Variants in SMARCAD1 observed in about 807,000 individuals in gnomAD.
SMARCAD1 encodes SWI/SNF-related matrix-associated actin-dependent regulator of chromatin subfamily A containing DEAD/H box 1.
SMARCAD1 carries 25 observed loss-of-function variants against 127.1 expected under a neutral mutation model. The ratio of observed to expected loss-of-function variants is 0.20; its 90% CI spans 0.14 to 0.27. The LOEUF (loss-of-function observed/expected upper bound fraction) is 0.27, where lower values mean the gene tolerates loss of function less well. Among genes scored for constraint, SMARCAD1 ranks in the 10% least tolerant of loss-of-function variants. The pLI is 1.00. For missense variants in SMARCAD1, 807 were observed against 1,206.0 expected (o/e 0.67, Z 4.90); for synonymous variants, 400 against 396.9 (o/e 1.01, Z -0.09).
At chr4:94,209,430 C>T (rs1196704682) in intron 2 of SMARCAD1, among the ~76,000 whole-genome samples, 1 of 152,090 alleles carries the variant, frequency 6.6e-6, no homozygotes, top group Non-Finnish European at 1.5e-5. Flanking sequence ...TAGTTAGTTT[C>T]TTAGGAAAGG....
At chr4:94,228,675 C>T (rs1387888576) in intron 3 of SMARCAD1, among the ~76,000 whole-genome samples, 3 of 151,062 alleles carry the variant, frequency 2.0e-5, no homozygotes, top group Non-Finnish European at 2.9e-5. Context: ...TGCTCAGTAA[C>T]GTAGTTGTTT....
intron 9 of SMARCAD1, among the ~76,000 whole-genome samples, chr4:94,257,829 G>C (rs994163245): frequency 6.6e-6 from 1 of 151,894 alleles, no homozygotes; most frequent in Non-Finnish European, 1.5e-5. Context: ...TCATTTGTAG[G>C]TCTTATCTAT....
In SMARCAD1 at chr4:94,285,008, C is replaced by G; in HGVS notation, c.2958C>G (p.Ser986=). Residue 986 remains serine, a synonymous_variant, in exon 23 of 24, where the codon TCC becomes TCG. Transcript: ENST00000354268. ...TAAGCCAAGGGACGATTGAAGAATC[C>G]ATGCTAAAAATTAACCAACAGAAAT... is the stretch of plus-strand genomic sequence containing the variant. ...KLISQGTIEE[S]MLKINQQKLK... is the part of the protein sequence containing the mutation. 6.2e-7 allele frequency: 1 copy of G among 1,613,086 alleles called. No homozygotes were observed. Among genetic ancestry groups the G allele is most frequent in the Non-Finnish European group, 8.5e-7 (1 of 1,179,426 alleles).
Position 94,234,012 on chromosome 4 carries a change from G to A in SMARCAD1, c.427G>A (p.Asp143Asn), listed in dbSNP as rs754100136. Reference protein sequence around the residue: ...QGLPTMARRNDDISELEDLSE... With the variant: ...QGLPTMARRNNDISELEDLSE... Reference sequence around the variant, plus strand: ...CCTTCCTACCATGGCACGTAGAAATGATGATATTTCAGAACTGGAAGACCT... The same window carrying A: ...CCTTCCTACCATGGCACGTAGAAATAATGATATTTCAGAACTGGAAGACCT... The change falls in exon 4 of 24, where the codon GAT becomes AAT. Residue 143 changes from aspartate to asparagine, a missense_variant. Around this residue, in one of 8 missense-constraint regions of SMARCAD1, gnomAD observed 175 missense variants for 169.5 expected, o/e 1.03. Transcript: ENST00000354268. 6.2e-7 allele frequency: 1 copy of A among 1,613,788 alleles called. No individual in the cohort carries two copies. The highest frequency in any genetic ancestry group is 1.1e-5 in the South Asian group (1 of 91,068).
At chr4:94,278,836 G>A (rs371419208) in intron 18 of SMARCAD1, 93 bp from the exon 19 acceptor site, 1 of 1,598,334 alleles carries the variant, frequency 6.3e-7, no homozygotes, top group Non-Finnish European at 8.6e-7. Flanking sequence ...AAAATTATCT[G>A]GAATTTGAGG....
At chr4:94,233,870 A>G in intron 3 of SMARCAD1, 84 bp from the exon 4 acceptor site, 1 of 1,319,892 alleles carries the variant, frequency 7.6e-7, no homozygotes, top group Non-Finnish European at 1.1e-6. Flanking sequence ...GATGTGTTGT[A>G]CTATGTATAC....
chr4:94,290,006 T>C lies in SMARCAD1; in HGVS notation c.*472T>C, dbSNP rs1400813687. On this transcript the variant is annotated 3_prime_UTR_variant, in exon 24 of 24. Coordinates refer to ENST00000354268, the MANE Select transcript of SMARCAD1 (RefSeq NM_020159.5). ...TATTATGTTAAAGAATGCAGCTGTA[T>C]AGATTATATAGCTTTCATTTTATTG... 6.6e-6 allele frequency: 3 copies of C among 454,398 alleles called. No homozygotes were observed. Among genetic ancestry groups the C allele is most frequent in the Non-Finnish European group, 1.3e-5 (3 of 226,780 alleles). 28.1% of individuals were successfully genotyped at this position (454,398 alleles called of 1,614,324 possible).
chr4:94,258,131 G>C (rs1228637947), intron 9 of SMARCAD1, among the ~76,000 whole-genome samples: 1 of 149,462 alleles, frequency 6.7e-6, no homozygotes, highest in Non-Finnish European at 1.5e-5. Context: ...TTTTCCAGTT[G>C]CCTAAATTTC....
chr4:94,263,074 A>G (rs1053364031), intron 9 of SMARCAD1, among the ~76,000 whole-genome samples: 5 of 152,012 alleles, frequency 3.3e-5, no homozygotes, highest in African/African-American at 9.7e-5. Context: ...TAGTTTTTTC[A>G]TCTAGATTTG....
intron 9 of SMARCAD1, among the ~76,000 whole-genome samples, chr4:94,257,010 A>G (rs1318570638): frequency 6.6e-6 from 1 of 152,188 alleles, no homozygotes; most frequent in African/African-American, 2.4e-5. Flanking sequence ...AAATTCAAAA[A>G]TATCTGTACA....
At chr4:94,268,262 A>G (rs1197052801) in intron 10 of SMARCAD1, among the ~76,000 whole-genome samples, 1 of 152,182 alleles carries the variant, frequency 6.6e-6, no homozygotes, top group East Asian at 1.9e-4. Context: ...AGTTTTTTAA[A>G]TTTCCTCATC....
At chr4:94,215,149 G>A (rs1445146217) in intron 2 of SMARCAD1, among the ~76,000 whole-genome samples, 4 of 152,154 alleles carry the variant, frequency 2.6e-5, no homozygotes, top group Admixed American at 2.0e-4. Context: ...TTTTGTAGGT[G>A]TCTGTGGCCA....
At position 94,291,268 on chromosome 4, in the gene SMARCAD1, T is replaced by C. The variant is rs1372680897; in HGVS notation, c.*1734T>C. 1 of 448,454 alleles carries C rather than the reference T, an allele frequency of 2.2e-6. No individual in the cohort carries two copies. Among genetic ancestry groups the C allele is most frequent in the Non-Finnish European group, 4.4e-6 (1 of 225,404 alleles). 27.8% of individuals were successfully genotyped at this position (448,454 alleles called of 1,614,324 possible). Reference sequence around the variant, plus strand: ...TGTAATGCGCTATTATGTCTTGGGCTTAATAAAAATATTTGTGATCATAAG... The same window carrying C: ...TGTAATGCGCTATTATGTCTTGGGCCTAATAAAAATATTTGTGATCATAAG... On this transcript the variant is annotated 3_prime_UTR_variant, in exon 24 of 24. Coordinates refer to ENST00000354268, the MANE Select transcript of SMARCAD1 (RefSeq NM_020159.5).
rs1362551646 is a variant in SMARCAD1, at chr4:94,270,749, G to A, written c.1503G>A (p.Gln501=). 2 of 1,613,408 alleles carry A rather than the reference G, an allele frequency of 1.2e-6. No homozygotes were observed. Among genetic ancestry groups the A allele is most frequent in the African/African-American group, 2.7e-5 (2 of 74,906 alleles). Residue 501 remains glutamine, a synonymous_variant, in exon 11 of 24, where the codon CAG becomes CAA. Coordinates refer to ENST00000354268, the MANE Select transcript of SMARCAD1 (RefSeq NM_020159.5). ...LNQSLSLKPY[Q]KVGLNWLALV... is the part of the protein sequence containing the mutation. ...CCAGTTTGTCACTCAAGCCCTATCAGAAGGTTGGTTTGAATTGGCTGGCAT... is the reference window on the plus strand; with the variant it reads ...CCAGTTTGTCACTCAAGCCCTATCAAAAGGTTGGTTTGAATTGGCTGGCAT...
chr4:94,263,725 T>C (rs1019883506), intron 9 of SMARCAD1, among the ~76,000 whole-genome samples: 1 of 151,990 alleles, frequency 6.6e-6, no homozygotes. Context: ...TGGAAAAATA[T>C]GCTAAATAGG....
intron 3 of SMARCAD1, 47 bp from the exon 4 acceptor site, chr4:94,233,904 CATT>C (rs755589661): frequency 6.4e-7 from 1 of 1,565,830 alleles, no homozygotes. Flanking sequence ...AATGAAATAA[CATT>C]AGTAATACAT....
At chr4:94,266,710 A>G (rs1372155141) in intron 10 of SMARCAD1, among the ~76,000 whole-genome samples, 2 of 152,142 alleles carry the variant, frequency 1.3e-5, no homozygotes, top group Non-Finnish European at 2.9e-5. Flanking sequence ...GACTATCCTG[A>G]TGAATAACCT....
At position 94,239,199 on chromosome 4, in the gene SMARCAD1, T is replaced by C. The variant is rs552580359; in HGVS notation, c.605-1707T>C. ...TAGTATATAGAATGACAGGTTTGTCTAACCTTGAAGATAAGGTTAATCTTC... is the reference window on the plus strand; with the variant it reads ...TAGTATATAGAATGACAGGTTTGTCCAACCTTGAAGATAAGGTTAATCTTC... On this transcript the variant is annotated intron_variant, in intron 5 of 23. Transcript: ENST00000354268. 5.9e-5 allele frequency among the ~76,000 whole-genome samples: 9 copies of C among 152,340 alleles called. No homozygotes were observed. In the South Asian group the frequency reaches 1.9e-3, roughly 32 times the overall value.
intron 5 of SMARCAD1, among the ~76,000 whole-genome samples, chr4:94,238,488 AAGTT>A (rs1465264543): frequency 2.6e-5 from 4 of 152,158 alleles, no homozygotes; most frequent in Non-Finnish European, 4.4e-5. Context: ...TTTAAAAAAA[AAGTT>A]AGAGGTGAAT....
Sources: allele counts gnomAD v4.1 joint callset (sites outside exome capture counted in the v4.1 genomes callset), GRCh38; gene constraint gnomAD v4.1.1; regional missense constraint gnomAD v4.1.1; transcripts MANE v1.5; gene names NCBI Gene and HGNC (gene_info 2026-07-23, HGNC 2026-07-21).